The following ADCY2 variants were observed in gnomAD, a reference collection of about 807,000 sequenced individuals.
ADCY2 encodes adenylate cyclase 2.
Under a neutral mutation model 125.2 loss-of-function variants are expected in ADCY2, and 31 were observed. The ratio of observed to expected loss-of-function variants is 0.25; its 90% CI spans 0.19 to 0.33. ADCY2 has a LOEUF of 0.33. Ranked by LOEUF, ADCY2 falls within the 10% of genes least tolerant of loss-of-function variation. The pLI, the probability that ADCY2 is intolerant of heterozygous loss-of-function variation, is 1.00. For synonymous variants in ADCY2, 512 were observed against 548.4 expected (o/e 0.93, Z 0.93); for missense variants, 904 against 1,418.2 (o/e 0.64, Z 5.82).
chr5:7,690,576 C>CT, intron 4 of ADCY2, 115 bp from the exon 5 acceptor site: 1 of 924,354 alleles, frequency 1.1e-6, no homozygotes, highest in Non-Finnish European at 1.5e-6. Context: ...TTTTAGCTTC[C>CT]AGGAAAGAAT....
intron 2 of ADCY2, among the ~76,000 whole-genome samples, chr5:7,416,498 T>C (rs559585159): frequency 6.6e-6 from 1 of 152,232 alleles, no homozygotes; most frequent in East Asian, 1.9e-4. Context: ...TCCTGGCTAA[T>C]ACAATTAGAC....
chr5:7,589,416 AAGGG>A (rs1177707559), intron 3 of ADCY2, among the ~76,000 whole-genome samples: 13 of 142,516 alleles, frequency 9.1e-5, no homozygotes, highest in African/African-American at 1.5e-4. Flanking sequence ...AAGAGGAAGG[AAGGG>A]AGGGAGGGAG....
intron 3 of ADCY2, among the ~76,000 whole-genome samples, chr5:7,599,943 C>T (rs981936292): frequency 5.3e-5 from 8 of 152,070 alleles, no homozygotes; most frequent in South Asian, 2.1e-4. Flanking sequence ...AAAGGAATCC[C>T]GGTGGGCAGT....
chr5:7,771,191 A>C (rs1489451577), intron 17 of ADCY2, among the ~76,000 whole-genome samples: 1 of 152,188 alleles, frequency 6.6e-6, no homozygotes, highest in Non-Finnish European at 1.5e-5. Flanking sequence ...TTCAAAGAGC[A>C]TGCTAGACCC....
chr5:7,761,143 C>CTTTTTTTTTTTT (rs1482654809), intron 16 of ADCY2, among the ~76,000 whole-genome samples: 3 of 64,510 alleles, frequency 4.7e-5, no homozygotes, highest in Admixed American at 2.2e-4. Flanking sequence ...CTTTTCTTTT[C>CTTTTTTTTTTTT]TTTTCTTTTT....
At chr5:7,690,996 G>A in intron 5 of ADCY2, 157 bp downstream of exon 5, 1 of 822,114 alleles carries the variant, frequency 1.2e-6, no homozygotes, top group Non-Finnish European at 1.7e-6. Context: ...CCACTCACCT[G>A]TTCCTGCCTC....
chr5:7,784,392 C>T lies in ADCY2; in HGVS notation c.2412C>T (p.Thr804=). The T allele has an allele frequency of 1.2e-6, 2 of 1,613,960 alleles. No homozygotes were observed. Among genetic ancestry groups the T allele is most frequent in the Non-Finnish European group, 1.7e-6 (2 of 1,179,950 alleles). Residue 804 remains threonine (T), a synonymous_variant, in exon 19 of 25, where the codon ACC becomes ACT. Coordinates refer to ENST00000338316, the MANE Select transcript of ADCY2 (RefSeq NM_020546.3). ...ERPGIWKDLK[T]MGSVSLSIFF... ...CAGGCATTTGGAAAGACCTGAAGACCATGGGCTCTGTGTCTCTCTCTATAT... is the reference window on the plus strand; with the variant it reads ...CAGGCATTTGGAAAGACCTGAAGACTATGGGCTCTGTGTCTCTCTCTATAT...
chr5:7,707,546 T>A (rs1741302549), intron 8 of ADCY2, among the ~76,000 whole-genome samples, 160 bp from the exon 9 acceptor site: 1 of 152,234 alleles, frequency 6.6e-6, no homozygotes, highest in Non-Finnish European at 1.5e-5. Flanking sequence ...TCTAAGAGCA[T>A]CTTTCCAAAG....
intron 1 of ADCY2, among the ~76,000 whole-genome samples, chr5:7,404,801 G>A (rs1345122266): frequency 1.3e-5 from 2 of 152,138 alleles, no homozygotes; most frequent in Non-Finnish European, 2.9e-5. Flanking sequence ...CCCATGCATC[G>A]GCTGGGGTGG....
chr5:7,683,271 G>C (rs150368219), intron 4 of ADCY2, among the ~76,000 whole-genome samples: 1 of 152,338 alleles, frequency 6.6e-6, no homozygotes, highest in Non-Finnish European at 1.5e-5. Flanking sequence ...GGCACACCAC[G>C]TGAGTGAATG....
chr5:7,603,542 GGTGGTGTAAC>G (rs1356176537), intron 3 of ADCY2, among the ~76,000 whole-genome samples: 3 of 152,142 alleles, frequency 2.0e-5, no homozygotes, highest in Admixed American at 2.0e-4. Flanking sequence ...CTTAGAATGT[GGTGGTGTAAC>G]CACCTCCTTG....
chr5:7,554,202 G>A (rs7734088), intron 3 of ADCY2, among the ~76,000 whole-genome samples: 151,699 of 152,342 alleles, frequency 1, 75,533 homozygotes, highest in Middle Eastern at 1. Flanking sequence ...TGATTAGTCA[G>A]ATGTTTTCAA....
intron 4 of ADCY2, among the ~76,000 whole-genome samples, chr5:7,650,836 C>T (rs1220894572): frequency 2.0e-5 from 3 of 152,144 alleles, no homozygotes; most frequent in South Asian, 2.1e-4. Flanking sequence ...TTGAGCAAGG[C>T]GGGATGGCTT....
chr5:7,737,585 T>G (rs1350327808), intron 14 of ADCY2, among the ~76,000 whole-genome samples: 1 of 152,142 alleles, frequency 6.6e-6, no homozygotes, highest in Non-Finnish European at 1.5e-5. Flanking sequence ...TGAAATGAAG[T>G]CTCTAAGAGA....
chr5:7,477,104 C>T (rs1026534348), intron 2 of ADCY2, among the ~76,000 whole-genome samples: 2 of 152,028 alleles, frequency 1.3e-5, no homozygotes, highest in Non-Finnish European at 1.5e-5. Flanking sequence ...CGCTCTTGTT[C>T]TTATAGTTAT....
At chr5:7,777,193 G>A (rs1033843233) in intron 18 of ADCY2, among the ~76,000 whole-genome samples, 2 of 152,052 alleles carry the variant, frequency 1.3e-5, no homozygotes, top group African/African-American at 4.8e-5. Context: ...GTTTCACCCC[G>A]GAAAGGTGGA....
At chr5:7,525,466 C>G (rs1337190962) in intron 3 of ADCY2, among the ~76,000 whole-genome samples, 1 of 152,136 alleles carries the variant, frequency 6.6e-6, no homozygotes, top group African/African-American at 2.4e-5. Context: ...TTATTCCTGT[C>G]TGCTCCAGGC....
chr5:7,417,838 C>T (rs1740014863), intron 2 of ADCY2, among the ~76,000 whole-genome samples: 1 of 152,210 alleles, frequency 6.6e-6, no homozygotes, highest in South Asian at 2.1e-4. Flanking sequence ...AGGGACATGA[C>T]TGTCTCTCCA....
intron 7 of ADCY2, 85 bp from the exon 8 acceptor site, chr5:7,706,659 A>G: frequency 6.7e-7 from 1 of 1,496,642 alleles, no homozygotes; most frequent in Non-Finnish European, 9.2e-7. Flanking sequence ...AAAATTCTGA[A>G]TAATAAAATA....
Sources: gnomAD v4.1 joint callset for allele counts (sites outside exome capture counted in the v4.1 genomes callset) on GRCh38, gnomAD v4.1.1 for gene constraint, MANE v1.5 for transcripts, NCBI Gene and HGNC (gene_info 2026-07-23, HGNC 2026-07-21) for gene names.